Variants in CPA6 observed in about 807,000 individuals in gnomAD.
CPA6 encodes carboxypeptidase A6.
In CPA6, 58 loss-of-function variants were observed where a neutral mutation model predicts 63.3. The observed-to-expected ratio is 0.92, with a 90% CI of 0.74 to 1.14. The LOEUF (loss-of-function observed/expected upper bound fraction) is 1.14. Ranked by LOEUF, CPA6 falls within the 50% of genes most tolerant of loss-of-function variation. The pLI, the probability that CPA6 is intolerant of heterozygous loss-of-function variation, is 0.00. For synonymous variants in CPA6, 185 were observed against 179.0 expected (o/e 1.03, Z -0.27); for missense variants, 565 against 526.6 (o/e 1.07, Z -0.71).
chr8:67,687,684 G>A (rs571302352), intron 1 of CPA6, among the ~76,000 whole-genome samples: 19 of 152,214 alleles, frequency 1.2e-4, no homozygotes, highest in Non-Finnish European at 1.8e-4. Context: ...TTCGGGGTCA[G>A]CGATTCAGTT....
intron 1 of CPA6, among the ~76,000 whole-genome samples, chr8:67,715,440 T>C (rs1050151463): frequency 1.3e-5 from 2 of 152,244 alleles, no homozygotes; most frequent in Non-Finnish European, 2.9e-5. Context: ...AAAAGGAAGA[T>C]TGGCAGTTTT....
At chr8:67,466,885 CAT>C (rs1413454113) in intron 8 of CPA6, among the ~76,000 whole-genome samples, 4 of 152,138 alleles carry the variant, frequency 2.6e-5, no homozygotes. Context: ...ATCATACACA[CAT>C]ATCTGTCACG....
chr8:67,588,559 C>T (rs1814011524), intron 2 of CPA6, among the ~76,000 whole-genome samples: 1 of 151,972 alleles, frequency 6.6e-6, no homozygotes, highest in African/African-American at 2.4e-5. Flanking sequence ...AAATGTAATC[C>T]CTAATTACTA....
chr8:67,512,008 A>C (rs1812052881), intron 3 of CPA6, among the ~76,000 whole-genome samples: 1 of 152,168 alleles, frequency 6.6e-6, no homozygotes, highest in Admixed American at 6.6e-5. Flanking sequence ...TCTTTTATGT[A>C]CATAATCTTA....
chr8:67,503,460 CTAATTAAATTTTTTTTTTT>C (rs1304776826), intron 6 of CPA6, among the ~76,000 whole-genome samples: 1 of 147,162 alleles, frequency 6.8e-6, no homozygotes, highest in East Asian at 2.0e-4. Context: ...CTATGCCCAG[CTAATTAAATTTTTTTTTTT>C]TTTTTTTTTG....
chr8:67,461,510 C>A (rs1587451702), intron 8 of CPA6, among the ~76,000 whole-genome samples: 1 of 152,248 alleles, frequency 6.6e-6, no homozygotes, highest in Admixed American at 6.5e-5. Context: ...TTTTCCCCAC[C>A]TTTCCCCGCT....
chr8:67,562,473 C>T (rs953962314), intron 2 of CPA6, among the ~76,000 whole-genome samples: 9 of 152,150 alleles, frequency 5.9e-5, no homozygotes, highest in African/African-American at 1.9e-4. Context: ...AAGGCAGATG[C>T]TATTACCAAT....
intron 2 of CPA6, among the ~76,000 whole-genome samples, chr8:67,551,886 G>A (rs538918235): frequency 6.6e-6 from 1 of 152,270 alleles, no homozygotes; most frequent in South Asian, 2.1e-4. Context: ...TTGCCTTGGT[G>A]TAAATTTACA....
intron 10 of CPA6, among the ~76,000 whole-genome samples, chr8:67,423,057 G>A (rs1050688292): frequency 2.6e-5 from 4 of 151,956 alleles, no homozygotes; most frequent in Non-Finnish European, 4.4e-5. Context: ...CCACTTCAGT[G>A]TCTAGAATAT....
At chr8:67,610,071 A>C (rs983301408) in intron 2 of CPA6, among the ~76,000 whole-genome samples, 17 of 151,258 alleles carry the variant, frequency 1.1e-4, no homozygotes, top group South Asian at 4.2e-4. Flanking sequence ...AAAACCCCCC[A>C]AAAACCAAAA....
At chr8:67,639,733 T>G (rs1587660741) in intron 1 of CPA6, among the ~76,000 whole-genome samples, 1 of 151,578 alleles carries the variant, frequency 6.6e-6, no homozygotes, top group East Asian at 1.9e-4. Context: ...CAGCCCTATT[T>G]GTGTTACAGC....
At chr8:67,724,524 C>T (rs1254324865) in intron 1 of CPA6, among the ~76,000 whole-genome samples, 1 of 152,208 alleles carries the variant, frequency 6.6e-6, no homozygotes, top group Non-Finnish European at 1.5e-5. Flanking sequence ...CGGAAGGACA[C>T]ATTTACTTGC....
intron 6 of CPA6, among the ~76,000 whole-genome samples, chr8:67,503,060 A>T (rs1400920843): frequency 6.6e-6 from 1 of 152,020 alleles, no homozygotes; most frequent in Admixed American, 6.6e-5. Context: ...TATTTTTGAG[A>T]TGGAGTCTCG....
intron 2 of CPA6, among the ~76,000 whole-genome samples, chr8:67,595,764 T>G (rs1233745917): frequency 6.6e-6 from 1 of 152,114 alleles, no homozygotes; most frequent in Admixed American, 6.5e-5. Flanking sequence ...GGGAGTGGCC[T>G]GATTTTCCAG....
intron 1 of CPA6, among the ~76,000 whole-genome samples, chr8:67,706,215 T>G (rs1393776164): frequency 6.6e-6 from 1 of 152,226 alleles, no homozygotes; most frequent in Non-Finnish European, 1.5e-5. Flanking sequence ...TTGCCTGCTT[T>G]AAAGCCATTA....
chr8:67,716,151 CAAAAAAAAAAA>C (rs56275918), intron 1 of CPA6, among the ~76,000 whole-genome samples: 2 of 76,544 alleles, frequency 2.6e-5, no homozygotes, highest in Non-Finnish European at 4.5e-5. Context: ...GAGCTTGTCT[CAAAAAAAAAAA>C]AAAAAAAAAA....
intron 1 of CPA6, among the ~76,000 whole-genome samples, chr8:67,686,886 T>C (rs1816718945): frequency 6.6e-6 from 1 of 152,210 alleles, no homozygotes; most frequent in Admixed American, 6.5e-5. Context: ...AACTGACTTT[T>C]ATATGTTCAG....
In CPA6 at chr8:67,547,798, G is replaced by A. The variant is rs1265208173; in HGVS notation, c.193-29751C>T. Among the ~76,000 whole-genome samples the A allele has an allele frequency of 2.0e-5, 3 of 152,126 alleles. No homozygotes were observed. The East Asian group carries it at 5.8e-4, about 29-fold the overall frequency. ...TGTGAGTCAACATGCTTGGCCCCACGAATTATAGTCTTATACATGGTCTTT... is the reference window on the plus strand; with the variant it reads ...TGTGAGTCAACATGCTTGGCCCCACAAATTATAGTCTTATACATGGTCTTT... On this transcript the variant is annotated intron_variant, in intron 2 of 10. Transcript: ENST00000297770.
At chr8:67,515,258 T>C (rs908080991) in intron 3 of CPA6, among the ~76,000 whole-genome samples, 3 of 152,174 alleles carry the variant, frequency 2.0e-5, no homozygotes, top group Non-Finnish European at 4.4e-5. Flanking sequence ...CCTCCTTCTC[T>C]ATCTCATCTC....
Sources: gnomAD v4.1 joint callset for allele counts (sites outside exome capture counted in the v4.1 genomes callset) on GRCh38, gnomAD v4.1.1 for gene constraint, MANE v1.5 for transcripts, NCBI Gene and HGNC (gene_info 2026-07-23, HGNC 2026-07-21) for gene names.